The following FSHR variants were observed in gnomAD, a reference collection of about 807,000 sequenced individuals.
FSHR encodes follicle-stimulating hormone receptor.
FSHR carries 46 observed loss-of-function variants against 52.1 expected under a neutral mutation model. The observed-to-expected ratio is 0.88, with a 90% CI of 0.70 to 1.13. The LOEUF (loss-of-function observed/expected upper bound fraction) is 1.13. Ranked by LOEUF, FSHR falls within the 50% of genes most tolerant of loss-of-function variation. The probability of loss-of-function intolerance (pLI) is 0.00; values close to 1 mark genes in which losing one functional copy is unlikely to be tolerated. For missense variants in FSHR, 964 were observed against 834.6 expected, an observed-to-expected ratio of 1.16 and a Z score of -1.91; for synonymous variants, 399 against 309.6, an observed-to-expected ratio of 1.29 and a Z score of -3.03.
chr2:49,087,896 T>C (rs1218146855), intron 1 of FSHR, among the ~76,000 whole-genome samples: 3 of 152,200 alleles, frequency 2.0e-5, no homozygotes, highest in Non-Finnish European at 4.4e-5. Context: ...GAGAGAGAGA[T>C]ATGTGTAGTC....
chr2:49,095,683 G>T (rs544136589), intron 1 of FSHR, among the ~76,000 whole-genome samples: 100 of 152,126 alleles, frequency 6.6e-4, no homozygotes, highest in Non-Finnish European at 1.1e-3. Context: ...AAAGCAAAAA[G>T]ACAACCCACA....
intron 1 of FSHR, among the ~76,000 whole-genome samples, chr2:49,135,723 C>T (rs1672466730): frequency 6.6e-6 from 1 of 152,062 alleles, no homozygotes; most frequent in Non-Finnish European, 1.5e-5. Flanking sequence ...CTACTGTCAA[C>T]CAAAAGCCTT....
At chr2:49,076,615 C>T (rs1279029858) in intron 1 of FSHR, among the ~76,000 whole-genome samples, 1 of 152,088 alleles carries the variant, frequency 6.6e-6, no homozygotes, top group Non-Finnish European at 1.5e-5. Flanking sequence ...TACCAAAAGT[C>T]TTAACTCATT....
intron 8 of FSHR, among the ~76,000 whole-genome samples, chr2:48,974,477 G>T (rs1447659522): frequency 1.3e-5 from 2 of 152,344 alleles, no homozygotes; most frequent in African/African-American, 4.8e-5. Context: ...TCTTGTCAGT[G>T]CCCTGGGATT....
At chr2:48,999,251 C>T (rs370891530) in intron 4 of FSHR, among the ~76,000 whole-genome samples, 1 of 143,448 alleles carries the variant, frequency 7.0e-6, no homozygotes, top group African/African-American at 2.6e-5. Flanking sequence ...CACTTACTAT[C>T]GATTATTTAA....
chr2:49,041,956 G>A (rs1458443635), intron 2 of FSHR, among the ~76,000 whole-genome samples: 4 of 152,118 alleles, frequency 2.6e-5, no homozygotes, highest in Non-Finnish European at 5.9e-5. Context: ...AGACCAGCCT[G>A]GCAACATGGT....
intron 1 of FSHR, among the ~76,000 whole-genome samples, chr2:49,131,702 C>T (rs1204061704): frequency 6.6e-6 from 1 of 152,158 alleles, no homozygotes; most frequent in South Asian, 2.1e-4. Flanking sequence ...CTGTACTTGG[C>T]ACATTTCTAG....
intron 1 of FSHR, among the ~76,000 whole-genome samples, chr2:49,068,929 C>A (rs1011295352): frequency 6.6e-6 from 1 of 152,056 alleles, no homozygotes; most frequent in African/African-American, 2.4e-5. Context: ...TTTCATTCAC[C>A]TTTTTCCCCT....
chr2:49,148,932 G>A (rs1174359718), intron 1 of FSHR, among the ~76,000 whole-genome samples: 2 of 151,972 alleles, frequency 1.3e-5, no homozygotes, highest in African/African-American at 2.4e-5. Flanking sequence ...GTGTTTTATG[G>A]AGAAAATAGA....
intron 2 of FSHR, among the ~76,000 whole-genome samples, chr2:49,021,886 T>TATATATATAGAGAGAGAG (rs1273265515): frequency 2.8e-4 from 7 of 25,122 alleles, no homozygotes; most frequent in African/African-American, 5.9e-4. Flanking sequence ...TATATATATA[T>TATATATATAGAGAGAGAG]AGAGAGAGAG....
At chr2:49,056,512 A>T (rs950683299) in intron 2 of FSHR, among the ~76,000 whole-genome samples, 21 of 149,182 alleles carry the variant, frequency 1.4e-4, no homozygotes, top group Non-Finnish European at 2.8e-4. Context: ...CACAGATATA[A>T]AAAGCAAATA....
Position 48,963,773 on chromosome 2 carries a change from G to C in FSHR, c.1048C>G (p.Pro350Ala), listed in dbSNP as rs779466348. Reference sequence around the variant, plus strand: ...TCTTCACATGGGTTGAATGCATCTGGCTTAGGGGAGCAGGTCACGTCAACC... The same window carrying C: ...TCTTCACATGGGTTGAATGCATCTGCCTTAGGGGAGCAGGTCACGTCAACC... Reference protein sequence around the residue: ...EVVDVTCSPKPDAFNPCEDIM... With the variant: ...EVVDVTCSPKADAFNPCEDIM... The change falls in exon 10 of 10, where the codon CCA becomes GCA. Residue 350 changes from proline (P) to alanine (A), a missense_variant. Pro to Ala is a conservative substitution (Grantham distance 27, BLOSUM62 -1). Transcript: ENST00000406846. 2 of 1,614,094 alleles carry C rather than the reference G, an allele frequency of 1.2e-6. No individual in the cohort carries two copies. Among genetic ancestry groups the C allele is most frequent in the African/African-American group, 1.3e-5 (1 of 75,016 alleles).
At chr2:49,053,880 G>A (rs1347844886) in intron 2 of FSHR, among the ~76,000 whole-genome samples, 3 of 152,142 alleles carry the variant, frequency 2.0e-5, no homozygotes, top group African/African-American at 7.2e-5. Flanking sequence ...TACTGAGATT[G>A]AGTATTAAGG....
At chr2:49,038,465 C>CA (rs961493662) in intron 2 of FSHR, among the ~76,000 whole-genome samples, 12 of 151,286 alleles carry the variant, frequency 7.9e-5, no homozygotes, top group Non-Finnish European at 1.2e-4. Context: ...ACTAAAAAAA[C>CA]AAAAAAATAA....
At chr2:49,068,133 G>A (rs1389504692) in intron 2 of FSHR, 86 bp downstream of exon 2, 1 of 993,726 alleles carries the variant, frequency 1.0e-6, no homozygotes, top group Non-Finnish European at 1.6e-6. Flanking sequence ...CGGCTACTAA[G>A]TGCAGATAGT....
At chr2:49,098,790 AATAT>A (rs1248277413) in intron 1 of FSHR, among the ~76,000 whole-genome samples, 2 of 147,066 alleles carry the variant, frequency 1.4e-5, no homozygotes, top group Admixed American at 6.9e-5. Flanking sequence ...TACTTATAAT[AATAT>A]ATATTTATAA....
At chr2:49,035,219 A>T (rs754485295) in intron 2 of FSHR, among the ~76,000 whole-genome samples, 58 of 152,354 alleles carry the variant, frequency 3.8e-4, no homozygotes, top group Admixed American at 1.4e-3. Context: ...CAGGAGAGGG[A>T]CAGGGACAGA....
At chr2:49,149,041 G>A (rs1052684970) in intron 1 of FSHR, among the ~76,000 whole-genome samples, 6 of 151,940 alleles carry the variant, frequency 3.9e-5, no homozygotes, top group African/African-American at 9.6e-5. Context: ...TGCCAGGGCC[G>A]AAGCAAAGAT....
chr2:49,063,938 A>T (rs537950671), intron 2 of FSHR, among the ~76,000 whole-genome samples: 83 of 152,258 alleles, frequency 5.5e-4, no homozygotes, highest in African/African-American at 1.9e-3. Context: ...ACTATACTCA[A>T]TTATTTTACA....
Sources: gnomAD v4.1 joint callset for allele counts (sites outside exome capture counted in the v4.1 genomes callset) on GRCh38, gnomAD v4.1.1 for gene constraint, MANE v1.5 for transcripts, NCBI Gene and HGNC (gene_info 2026-07-23, HGNC 2026-07-21) for gene names.